Variants in NUP210 observed in about 807,000 individuals in gnomAD.
NUP210 encodes the protein nuclear pore membrane glycoprotein 210.
Under a neutral mutation model 196.0 loss-of-function variants are expected in NUP210, and 151 were observed. That is an observed-to-expected ratio of 0.77 (90% confidence interval 0.67 to 0.88). NUP210 has a LOEUF of 0.88. Among genes scored for constraint, NUP210 ranks in the 40% least tolerant of loss-of-function variants. The pLI is 0.00. For synonymous variants in NUP210, 1,070 were observed against 1,052.7 expected, an observed-to-expected ratio of 1.02 and a Z score of -0.32; for missense variants, 2,314 against 2,493.7, an observed-to-expected ratio of 0.93 and a Z score of 1.53.
chr3:13,366,044 C>A lies in NUP210; in HGVS notation c.1834G>T (p.Ala612Ser), dbSNP rs569374100. Residue 612 changes from alanine to serine, a missense_variant, in exon 14 of 40, where the codon GCC (alanine) becomes TCC (serine). By Grantham distance (99) the Ala-to-Ser change is moderately conservative. Transcript: ENST00000254508. ...SEHCSGIRVKAEAQGSTTLLV... is the reference protein window; with the variant it reads ...SEHCSGIRVKSEAQGSTTLLV... ...AGCGTGGTAGAGCCCTGGGCCTCGG[C>A]CTTTACCCGGATGCCGCTGCAGTGC... The A allele has an allele frequency of 6.2e-7, 1 of 1,614,226 alleles. No homozygotes were observed. Among genetic ancestry groups the A allele is most frequent in the East Asian group, 2.2e-5 (1 of 44,882 alleles).
In NUP210 at chr3:13,372,390, G is replaced by A. The variant is rs190853808; in HGVS notation, c.1588-358C>T. Among the ~76,000 whole-genome samples the A allele has an allele frequency of 2.0e-3, 299 of 152,346 alleles. 1 individual carries two copies. Among genetic ancestry groups the A allele is most frequent in the African/African-American group, 6.7e-3 (280 of 41,586 alleles). ...CTGTGCAGGGGCAGTGGAAAGAGACGGGGCTGGCAACCATGGTGAGGAATC... is the reference window on the plus strand; with the variant it reads ...CTGTGCAGGGGCAGTGGAAAGAGACAGGGCTGGCAACCATGGTGAGGAATC... On this transcript the variant is annotated intron_variant, in intron 12 of 39. Coordinates refer to ENST00000254508, the MANE Select transcript of NUP210 (RefSeq NM_024923.4).
At chr3:13,381,528 A>G (rs988733511) in intron 6 of NUP210, among the ~76,000 whole-genome samples, 13 of 150,592 alleles carry the variant, frequency 8.6e-5, no homozygotes, top group African/African-American at 2.7e-4. Context: ...TCCTGGGCTC[A>G]GCCTCCTAAG....
chr3:13,381,542 T>C (rs1699100773), intron 6 of NUP210, among the ~76,000 whole-genome samples: 1 of 151,622 alleles, frequency 6.6e-6, no homozygotes, highest in Admixed American at 6.6e-5. Flanking sequence ...TCCTAAGTAG[T>C]TGAGACTACC....
intron 12 of NUP210, 116 bp from the exon 13 acceptor site, chr3:13,372,148 G>T (rs1698752936): frequency 1.0e-6 from 1 of 980,118 alleles, no homozygotes; most frequent in Non-Finnish European, 1.5e-6. Flanking sequence ...TCTGTGAGAA[G>T]CCTGTCACGG....
chr3:13,390,626 C>T lies in NUP210; in HGVS notation c.533+585G>A, dbSNP rs182614496. On this transcript the variant is annotated intron_variant, in intron 4 of 39. Transcript: ENST00000254508. ...GATCCACGGATCTGAGTTCAGACTC[C>T]AGCTCTGTCCTCCCGGAGCTCAGAC... Among the ~76,000 whole-genome samples the T allele has an allele frequency of 1.8e-3, 276 of 152,326 alleles. 1 individual carries two copies. Among genetic ancestry groups the T allele is most frequent in the Non-Finnish European group, 2.0e-3 (134 of 68,032 alleles).
rs139406864 is a variant in NUP210, at chr3:13,348,826, A to G, written c.2835+3053T>C. ...TGAGAAAACATCCTCTTTGCAAGAC[A>G]GCTGGAGACCAACATCAAACGCTGA... On this transcript the variant is annotated intron_variant, in intron 20 of 39. Coordinates refer to ENST00000254508, the MANE Select transcript of NUP210 (RefSeq NM_024923.4). The surrounding 1 kb of genome is among the most constrained non-coding windows in gnomAD (Gnocchi z 4.0). 1 of 985,442 alleles carries G rather than the reference A, an allele frequency of 1.0e-6. No individual in the cohort carries two copies. The highest frequency in any genetic ancestry group is 1.1e-4 in the East Asian group (1 of 8,810). 61.0% of individuals were successfully genotyped at this position (985,442 alleles called of 1,614,324 possible).
intron 1 of NUP210, among the ~76,000 whole-genome samples, chr3:13,404,225 C>T (rs545719915): frequency 2.6e-5 from 4 of 152,312 alleles, no homozygotes; most frequent in African/African-American, 9.6e-5. Context: ...ACCCACCCTG[C>T]CTTCCTCACA....
At chr3:13,319,580 T>C (rs1054239902) in intron 37 of NUP210, among the ~76,000 whole-genome samples, 183 bp downstream of exon 37, 1 of 152,122 alleles carries the variant, frequency 6.6e-6, no homozygotes, top group African/African-American at 2.4e-5. Flanking sequence ...TGAGAACAGA[T>C]GGGAAAGCTG....
rs1318127119 is a variant in NUP210, at chr3:13,419,879, A to G, written c.167+181T>C. On this transcript the variant is annotated intron_variant, in intron 1 of 39. Transcript: ENST00000254508. Reference sequence around the variant, plus strand: ...GCGGCGCGGAGGCCCGGACGGCGCCATGACATGAGCAGTGGTGGCGACCCA... The same window carrying G: ...GCGGCGCGGAGGCCCGGACGGCGCCGTGACATGAGCAGTGGTGGCGACCCA... 7.3e-5 allele frequency among the ~76,000 whole-genome samples: 11 copies of G among 151,300 alleles called. 1 individual carries two copies. The highest frequency in any genetic ancestry group is 2.4e-4 in the African/African-American group (10 of 41,262).
intron 1 of NUP210, among the ~76,000 whole-genome samples, chr3:13,411,509 C>T (rs1700173321): frequency 6.6e-6 from 1 of 152,164 alleles, no homozygotes; most frequent in Admixed American, 6.5e-5. Flanking sequence ...AAGGGATTAA[C>T]AGAAAAATTG....
At chr3:13,397,592 C>G (rs1699704938) in intron 2 of NUP210, 104 bp from the exon 3 acceptor site, 1 of 1,251,528 alleles carries the variant, frequency 8.0e-7, no homozygotes. Flanking sequence ...ACGGCAACCA[C>G]CAGCTTCACC....
At chr3:13,344,443 G>A (rs1262273366) in intron 20 of NUP210, among the ~76,000 whole-genome samples, 1 of 152,140 alleles carries the variant, frequency 6.6e-6, no homozygotes, top group East Asian at 1.9e-4. Context: ...GCTCTTTGTG[G>A]TCTCATATTC....
In NUP210 at chr3:13,323,917, G is replaced by A. The variant is rs1281180531; in HGVS notation, c.4645-485C>T. Among the ~76,000 whole-genome samples, 1 of 152,138 alleles carries A rather than the reference G, an allele frequency of 6.6e-6. No individual in the cohort carries two copies. ...AGGACACCCTCCCATCTTCTCTGCA[G>A]AGCCCAGCCTCATCCACCCTTCAGG... On this transcript the variant is annotated intron_variant, in intron 33 of 39. Transcript: ENST00000254508. The surrounding 1 kb of genome is among the most constrained non-coding windows in gnomAD (Gnocchi z 4.3).
At chr3:13,330,710 T>C in intron 29 of NUP210, 76 bp from the exon 30 acceptor site, 2 of 1,395,218 alleles carry the variant, frequency 1.4e-6, no homozygotes, top group Non-Finnish European at 2.0e-6. Flanking sequence ...CCAGGAGATC[T>C]AAGAGTCTGT....
In NUP210 at chr3:13,350,692, CT is replaced by C. The variant is rs59291391; in HGVS notation, c.2835+1186del. On this transcript the variant is annotated intron_variant, in intron 20 of 39. Coordinates refer to ENST00000254508, the MANE Select transcript of NUP210 (RefSeq NM_024923.4). The surrounding 1 kb of genome is among the most constrained non-coding windows in gnomAD (Gnocchi z 4.1). ...AGTTACAGGAAAAAAAATAGAAATT[CT>C]TTTTTTTTTTTTTTTTTTGAGATGG... Among the ~76,000 whole-genome samples the C allele has an allele frequency of 0.047, 6,224 of 131,456 alleles. 138 individuals carry two copies. The highest frequency in any genetic ancestry group is 0.13 in the Admixed American group (1,618 of 12,496). 86.2% of individuals were successfully genotyped at this position (131,456 alleles called of 152,430 possible).
rs372307341 is a variant in NUP210 at position 13,319,754 on chromosome 3, G to C, written c.5383+9C>G. 2 of 1,612,648 alleles carry C rather than the reference G, an allele frequency of 1.2e-6. No individual in the cohort carries two copies. The highest frequency in any genetic ancestry group is 1.7e-6 in the Non-Finnish European group (2 of 1,178,832). ...GGTCTGTCCCAGATGATGTCGTTCC[G>C]TGACTCACAAGGACCGGGCCCACGG... is the stretch of plus-strand genomic sequence containing the variant. On this transcript the variant is annotated intron_variant, in intron 37 of 39. Transcript: ENST00000254508.
chr3:13,340,385 G>A lies in NUP210; in HGVS notation c.3229-87C>T, dbSNP rs371146484. 25 of 1,160,146 alleles carry A rather than the reference G, an allele frequency of 2.2e-5. No homozygotes were observed. In the Middle Eastern group the frequency reaches 5.8e-4, roughly 27 times the overall value. 71.9% of individuals were successfully genotyped at this position (1,160,146 alleles called of 1,614,324 possible). ...CTCACACACTACATGTTTCATGAGAGGAAAACCTGGGACATGGACATCACT... is the reference window on the plus strand; with the variant it reads ...CTCACACACTACATGTTTCATGAGAAGAAAACCTGGGACATGGACATCACT... On this transcript the variant is annotated intron_variant, in intron 23 of 39. Coordinates refer to ENST00000254508, the MANE Select transcript of NUP210 (RefSeq NM_024923.4). This position sits in a 1 kb window ranked among gnomAD's most constrained non-coding sequence, Gnocchi z 4.0.
chr3:13,325,981 A>C (rs756783751), intron 32 of NUP210, 50 bp from the exon 33 acceptor site: 1 of 1,600,508 alleles, frequency 6.2e-7, no homozygotes, highest in African/African-American at 1.3e-5. Flanking sequence ...TGGACACTCC[A>C]GTCAAAGCCC....
At chr3:13,346,551 T>G (rs1697736710) in intron 20 of NUP210, among the ~76,000 whole-genome samples, 1 of 152,194 alleles carries the variant, frequency 6.6e-6, no homozygotes, top group South Asian at 2.1e-4. Context: ...TCATTGCTCA[T>G]TAAGATGCTG....
Sources: gnomAD v4.1 joint callset for allele counts (sites outside exome capture counted in the v4.1 genomes callset) on GRCh38, gnomAD v4.1.1 for gene constraint, Gnocchi (gnomAD v3.1) non-coding constraint, MANE v1.5 for transcripts, NCBI Gene and HGNC (gene_info 2026-07-23, HGNC 2026-07-21) for gene names.